Variants in TRPM2 observed in about 807,000 individuals in gnomAD.
The protein encoded by TRPM2 is estrogen-responsive element-associated gene 1 protein.
TRPM2 carries 161 observed loss-of-function variants against 174.0 expected under a neutral mutation model. The observed-to-expected ratio is 0.93, with a 90% CI of 0.81 to 1.05. The LOEUF is 1.05. TRPM2 is among the 50% of genes least tolerant of loss of function. TRPM2 has a pLI of 0.00. For synonymous variants in TRPM2, 954 were observed against 861.3 expected (o/e 1.11, Z -1.88); for missense variants, 2,057 against 2,038.0 (o/e 1.01, Z -0.18).
At chr21:44,353,525 G>A (rs755284876), upstream of TRPM2, 40 of 787,334 alleles carry the variant, frequency 5.1e-5, no homozygotes, top group Non-Finnish European at 6.5e-5. Context: ...ACCGGATGAG[G>A]GCTTCACATG....
chr21:44,379,446 G>A (rs1294372806), intron 8 of TRPM2, among the ~76,000 whole-genome samples: 2 of 152,252 alleles, frequency 1.3e-5, no homozygotes, highest in Non-Finnish European at 2.9e-5. Context: ...GGCGGGCTGG[G>A]AACGCTGCGG....
chr21:44,374,554 A>T (rs965392431), intron 5 of TRPM2, among the ~76,000 whole-genome samples: 5 of 152,180 alleles, frequency 3.3e-5, no homozygotes, highest in Non-Finnish European at 7.3e-5. Flanking sequence ...TCCTGCAGCT[A>T]GACGGTCCCA....
At chr21:44,424,796 G>A in intron 23 of TRPM2, 56 bp from the exon 24 acceptor site, 2 of 1,273,606 alleles carry the variant, frequency 1.6e-6, no homozygotes, top group Non-Finnish European at 2.2e-6. Context: ...GCAGTGGGGT[G>A]TGTACCATGC....
In TRPM2 at chr21:44,366,625, C is replaced by T; in HGVS notation, c.424-129C>T. On this transcript the variant is annotated intron_variant, in intron 3 of 31. Coordinates refer to ENST00000397928, the MANE Select transcript of TRPM2 (RefSeq NM_003307.4). The surrounding 1 kb of genome is among the most constrained non-coding windows in gnomAD (Gnocchi z 6.0). ...CCCTGCCCACATGGGGACCCCTTTT[C>T]TGGGTCTGAGCCGGAAAGGTGTGCG... 7.9e-7 allele frequency: 1 copy of T among 1,263,306 alleles called. No individual in the cohort carries two copies. Among genetic ancestry groups the T allele is most frequent in the Non-Finnish European group, 1.1e-6 (1 of 906,488 alleles). 78.3% of individuals were successfully genotyped at this position (1,263,306 alleles called of 1,614,324 possible). A position where few individuals can be genotyped will look rare whatever the true frequency, so the allele number is the denominator to read the frequency against.
At chr21:44,389,962 T>C (rs1318612633) in intron 9 of TRPM2, among the ~76,000 whole-genome samples, 1 of 150,914 alleles carries the variant, frequency 6.6e-6, no homozygotes, top group African/African-American at 2.4e-5. Flanking sequence ...AAGTTCCGCC[T>C]CCTGGGTTCA....
intron 2 of TRPM2, among the ~76,000 whole-genome samples, chr21:44,362,384 C>T (rs559217548): frequency 2.7e-4 from 39 of 145,936 alleles, no homozygotes; most frequent in African/African-American, 9.1e-4. Flanking sequence ...TGGTGATGGC[C>T]GCCTGTGGTC....
At chr21:44,428,057 G>T (rs1314986425) in intron 27 of TRPM2, among the ~76,000 whole-genome samples, 1 of 152,160 alleles carries the variant, frequency 6.6e-6, no homozygotes, top group Non-Finnish European at 1.5e-5. Flanking sequence ...TCAGGACTTG[G>T]CAGGACGTGG....
chr21:44,404,827 GTGA>G (rs377560461), intron 16 of TRPM2, among the ~76,000 whole-genome samples: 9,385 of 131,408 alleles, frequency 0.071, 247 homozygotes, highest in African/African-American at 0.14. Flanking sequence ...AGCAAGGGTA[GTGA>G]TGATAGTGAC....
rs550372919 is a variant in TRPM2, at chr21:44,367,166, T to C, written c.604+232T>C. On this transcript the variant is annotated intron_variant, in intron 4 of 31. Transcript: ENST00000397928. The surrounding 1 kb of genome is among the most constrained non-coding windows in gnomAD (Gnocchi z 4.6). ...GAGATGGCTCAGTGCATGGCCCTGC[T>C]GGTGCCCAGGGCCAAGCAGAGATGA... Among the ~76,000 whole-genome samples, 58 of 152,136 alleles carry C rather than the reference T, an allele frequency of 3.8e-4. No homozygotes were observed. The highest frequency in any genetic ancestry group is 7.4e-4 in the Non-Finnish European group (50 of 67,984).
chr21:44,359,383 G>A (rs927840471), intron 2 of TRPM2, among the ~76,000 whole-genome samples: 3 of 152,086 alleles, frequency 2.0e-5, no homozygotes, highest in Non-Finnish European at 2.9e-5. Context: ...TGCCTTGAGC[G>A]TGACCTTAGG....
At position 44,425,723 on chromosome 21, in the gene TRPM2, A is replaced by G; in HGVS notation, c.3691A>G (p.Thr1231Ala). 6.4e-7 allele frequency: 1 copy of G among 1,572,976 alleles called. No homozygotes were observed. Among genetic ancestry groups the G allele is most frequent in the Non-Finnish European group, 8.6e-7 (1 of 1,156,920 alleles). Residue 1231 changes from threonine to alanine, a missense_variant, in exon 25 of 32, where the codon ACG becomes GCG. Thr to Ala is a moderately conservative substitution (Grantham distance 58). Coordinates refer to ENST00000397928, the MANE Select transcript of TRPM2 (RefSeq NM_003307.4). ...TGCTGAGCCGGGAGGCAGGAAGAAG[A>G]CGGAGGAGCCGGGCGACAGCTACCA... ...PDAEPGGRKK[T>A]EEPGDSYHVN...
intron 2 of TRPM2, 124 bp from the exon 3 acceptor site, chr21:44,363,990 G>T: frequency 2.0e-6 from 2 of 1,010,310 alleles, no homozygotes; most frequent in South Asian, 3.4e-5. Flanking sequence ...GGCTGGAAGG[G>T]CAGGTGCTTT....
chr21:44,361,922 T>C (rs1392837768), intron 2 of TRPM2, among the ~76,000 whole-genome samples: 1 of 152,254 alleles, frequency 6.6e-6, no homozygotes, highest in Non-Finnish European at 1.5e-5. Context: ...TTGGCCAGGC[T>C]GGTCTCAAGC....
chr21:44,425,004 T>C (rs1601233573), intron 24 of TRPM2, 65 bp downstream of exon 24: 1 of 1,440,122 alleles, frequency 6.9e-7, no homozygotes. Context: ...CTGGGGTCAG[T>C]TGGGAGGAGA....
rs145723054 is a variant in TRPM2, at chr21:44,364,415, C to G, written c.423+133C>G. ...TCCAGGGTGCATAGAGCCCACTGCACAGCAAGGGAAGCGGCGGGGAGGGGC... is the reference window on the plus strand; with the variant it reads ...TCCAGGGTGCATAGAGCCCACTGCAGAGCAAGGGAAGCGGCGGGGAGGGGC... On this transcript the variant is annotated intron_variant, in intron 3 of 31. Coordinates refer to ENST00000397928, the MANE Select transcript of TRPM2 (RefSeq NM_003307.4). 957 of 1,087,662 alleles carry G rather than the reference C, an allele frequency of 8.8e-4. 5 individuals are homozygous for G. The African/African-American group carries it at 0.013, about 15-fold the overall frequency. The allele number at this position is 1,087,662 out of a possible 1,614,324, so 67.4% of individuals were successfully genotyped here. A position where few individuals can be genotyped will look rare whatever the true frequency, so the allele number is the denominator to read the frequency against.
In TRPM2 at chr21:44,438,472, T is replaced by C. The variant is rs1398824206; in HGVS notation, c.4168-595T>C. The stretch of plus-strand genomic sequence containing the variant: ...GTCATGGGGCTGAGGTGGGACCGTC[T>C]TGACGTGGCCTGCAAAGTCTTCATG... On this transcript the variant is annotated intron_variant, in intron 29 of 31. Transcript: ENST00000397928. The surrounding 1 kb of genome is among the most constrained non-coding windows in gnomAD (Gnocchi z 5.9). 2.6e-5 allele frequency among the ~76,000 whole-genome samples: 4 copies of C among 152,172 alleles called. No homozygotes were observed. Among genetic ancestry groups the C allele is most frequent in the African/African-American group, 9.7e-5 (4 of 41,434 alleles).
At chr21:44,353,951 G>C (rs563962557) in intron 1 of TRPM2, 86 bp downstream of exon 1, 3 of 1,486,984 alleles carry the variant, frequency 2.0e-6, no homozygotes, top group Non-Finnish European at 2.7e-6. Flanking sequence ...CTGTGACGAC[G>C]GGGGTGGGAA....
intron 9 of TRPM2, among the ~76,000 whole-genome samples, chr21:44,388,663 A>C (rs1346333601): frequency 6.7e-6 from 1 of 150,132 alleles, no homozygotes; most frequent in Non-Finnish European, 1.5e-5. Context: ...AAAAAAAAAA[A>C]AAAAAAAACT....
At chr21:44,351,518 C>T (rs2122997029), upstream of TRPM2, among the ~76,000 whole-genome samples, 3 of 152,242 alleles carry the variant, frequency 2.0e-5, no homozygotes, top group Non-Finnish European at 4.4e-5. Flanking sequence ...CACACCTGTG[C>T]CAGTTGCTTG....
Sources: gnomAD v4.1 joint callset for allele counts (sites outside exome capture counted in the v4.1 genomes callset) on GRCh38, gnomAD v4.1.1 for gene constraint, Gnocchi (gnomAD v3.1) non-coding constraint, MANE v1.5 for transcripts, NCBI Gene and HGNC (gene_info 2026-07-23, HGNC 2026-07-21) for gene names.